Variants in NRG1 observed in about 807,000 individuals in gnomAD.
The protein encoded by NRG1 is pro-neuregulin-1, membrane-bound isoform.
A neutral mutation model predicts 63.8 loss-of-function variants in NRG1; 18 were observed. The ratio of observed to expected loss-of-function variants is 0.28; its 90% CI spans 0.19 to 0.42. The LOEUF (loss-of-function observed/expected upper bound fraction) is 0.42, where lower values mean the gene tolerates loss of function less well. NRG1 is among the 10% of genes least tolerant of loss of function. The pLI is 1.00. For synonymous variants in NRG1, 302 were observed against 301.3 expected, an observed-to-expected ratio of 1.00 and a Z score of -0.02; for missense variants, 762 against 814.7, an observed-to-expected ratio of 0.94 and a Z score of 0.79.
intron 1 of NRG1, among the ~76,000 whole-genome samples, chr8:31,642,782 A>G (rs1244913185): frequency 6.6e-6 from 1 of 152,154 alleles, no homozygotes; most frequent in Non-Finnish European, 1.5e-5. Context: ...TTTTTGTGTT[A>G]TATGATTTAA....
intron 1 of NRG1, among the ~76,000 whole-genome samples, chr8:32,249,653 C>A (rs1016147592): frequency 6.6e-6 from 1 of 152,078 alleles, no homozygotes; most frequent in South Asian, 2.1e-4. Flanking sequence ...TACCAATAGA[C>A]AAGGGTCCAT....
chr8:31,872,073 G>A (rs1036888598), intron 1 of NRG1, among the ~76,000 whole-genome samples: 12 of 152,186 alleles, frequency 7.9e-5, no homozygotes, highest in African/African-American at 2.7e-4. Flanking sequence ...TTAAAGGCCT[G>A]TATGCATGTG....
chr8:32,563,106 A>T (rs1053591576), intron 1 of NRG1, among the ~76,000 whole-genome samples: 1 of 152,154 alleles, frequency 6.6e-6, no homozygotes, highest in Non-Finnish European at 1.5e-5. Flanking sequence ...AACTTTCTTA[A>T]AACATTATGA....
At chr8:32,235,759 T>C (rs1847483234) in intron 1 of NRG1, among the ~76,000 whole-genome samples, 1 of 152,134 alleles carries the variant, frequency 6.6e-6, no homozygotes, top group South Asian at 2.1e-4. Context: ...AATATTGTAG[T>C]GATCTAGATT....
intron 4 of NRG1, among the ~76,000 whole-genome samples, chr8:32,615,241 ACTTTTT>A (rs6150532): frequency 0.13 from 19,545 of 152,000 alleles, 2,762 homozygotes; most frequent in East Asian, 0.53. Context: ...CATTTTTTAA[ACTTTTT>A]CTTATTCTTT....
intron 1 of NRG1, among the ~76,000 whole-genome samples, chr8:31,768,907 A>G (rs1025940090): frequency 2.5e-4 from 38 of 152,312 alleles, no homozygotes; most frequent in African/African-American, 7.7e-4. Context: ...CTTTCTCTGG[A>G]CACCAGCTAC....
chr8:31,817,074 G>A (rs543292796), intron 1 of NRG1, among the ~76,000 whole-genome samples: 31 of 152,258 alleles, frequency 2.0e-4, no homozygotes, highest in African/African-American at 7.2e-4. Context: ...TTGGCATGAT[G>A]CACCTCTAAG....
At chr8:32,749,674 C>G in intron 7 of NRG1, 16 of 1,254,676 alleles carry the variant, frequency 1.3e-5, no homozygotes, top group Non-Finnish European at 1.6e-5. Context: ...CCTTTCAGTT[C>G]CTAACTAATT....
intron 1 of NRG1, among the ~76,000 whole-genome samples, chr8:32,190,673 A>T (rs887354932): frequency 6.6e-6 from 1 of 152,330 alleles, no homozygotes; most frequent in Non-Finnish European, 1.5e-5. Context: ...GATAATCCTT[A>T]TTAGTGGATA....
chr8:32,361,639 C>T (rs1405981900), intron 1 of NRG1, among the ~76,000 whole-genome samples: 2 of 152,096 alleles, frequency 1.3e-5, no homozygotes, highest in Non-Finnish European at 2.9e-5. Context: ...TTGGGTACTT[C>T]CCCTTGGTGA....
chr8:32,100,284 A>G (rs564869791), intron 1 of NRG1, among the ~76,000 whole-genome samples: 1 of 152,372 alleles, frequency 6.6e-6, no homozygotes, highest in African/African-American at 2.4e-5. Flanking sequence ...GTTAAGTGGT[A>G]GTAAACTCAA....
chr8:32,204,340 T>C, intron 1 of NRG1, among the ~76,000 whole-genome samples: 1 of 152,242 alleles, frequency 6.6e-6, no homozygotes, highest in African/African-American at 2.4e-5. Flanking sequence ...ATTGTATCAT[T>C]AACAGCATGG....
At chr8:32,446,361 G>T (rs1336298458) in intron 1 of NRG1, among the ~76,000 whole-genome samples, 3 of 152,128 alleles carry the variant, frequency 2.0e-5, no homozygotes, top group African/African-American at 7.2e-5. Context: ...TTTATAGAAA[G>T]ACTAATTTCT....
At chr8:32,660,694 A>C (rs1802637968) in intron 5 of NRG1, among the ~76,000 whole-genome samples, 1 of 152,164 alleles carries the variant, frequency 6.6e-6, no homozygotes, top group Non-Finnish European at 1.5e-5. Context: ...ACTATGAACT[A>C]TCTGTGCCCC....
At chr8:32,695,616 G>A (rs183822137) in intron 5 of NRG1, among the ~76,000 whole-genome samples, 2 of 152,314 alleles carry the variant, frequency 1.3e-5, no homozygotes, top group East Asian at 1.9e-4. Flanking sequence ...AAAAGCACAC[G>A]TTGTTTGACA....
intron 1 of NRG1, among the ~76,000 whole-genome samples, chr8:32,209,402 A>G (rs1308475315): frequency 6.6e-6 from 1 of 152,124 alleles, no homozygotes; most frequent in Admixed American, 6.6e-5. Context: ...CTTTTATATC[A>G]TAAATCCACC....
chr8:31,846,908 A>G (rs1826741979), intron 1 of NRG1, among the ~76,000 whole-genome samples: 1 of 152,188 alleles, frequency 6.6e-6, no homozygotes, highest in African/African-American at 2.4e-5. Context: ...GTCAAGCACT[A>G]TAGGTGGTAA....
At chr8:32,098,561 A>G (rs1830171063) in intron 1 of NRG1, 1 of 152,194 alleles carries the variant, frequency 6.6e-6, no homozygotes, top group Non-Finnish European at 1.5e-5. Flanking sequence ...ACTCCATTAA[A>G]TTGTCTGACA....
rs139261761 is a variant in NRG1 at position 32,235,724 on chromosome 8, A to G, written c.38-360104A>G. Among the ~76,000 whole-genome samples, 836 of 152,274 alleles carry G rather than the reference A, an allele frequency of 5.5e-3. 10 individuals are homozygous for G. Among genetic ancestry groups the G allele is most frequent in the African/African-American group, 0.019 (800 of 41,576 alleles). On this transcript the variant is annotated intron_variant, in intron 1 of 10. Coordinates refer to the NRG1 transcript ENST00000519301. ...TAGTTGGTCACTCAGATTTCGGTGC[A>G]GTGGTTAAAGTTAACACTTTCAAAA...
Sources: gnomAD v4.1 joint callset for allele counts (sites outside exome capture counted in the v4.1 genomes callset) on GRCh38, gnomAD v4.1.1 for gene constraint, MANE v1.5 for transcripts, NCBI Gene and HGNC (gene_info 2026-07-23, HGNC 2026-07-21) for gene names.